JAG1: variants seen among roughly 807,000 people sequenced by gnomAD.
JAG1 encodes the protein protein jagged-1.
JAG1 carries 23 observed loss-of-function variants against 148.7 expected under a neutral mutation model. The observed-to-expected ratio is 0.15, with a 90% CI of 0.11 to 0.22. The LOEUF (loss-of-function observed/expected upper bound fraction) is 0.22, where lower values mean the gene tolerates loss of function less well. JAG1 is among the 10% of genes least tolerant of loss of function. JAG1 has a pLI of 1.00. For missense variants in JAG1, 1,054 were observed against 1,611.2 expected, an observed-to-expected ratio of 0.65 and a Z score of 5.92; for synonymous variants, 572 against 598.3, an observed-to-expected ratio of 0.96 and a Z score of 0.64.
At position 10,639,679 on chromosome 20, in the gene JAG1, T is replaced by A. The variant is rs367992928; in HGVS notation, c.3476A>T (p.Asp1159Val). 1.1e-5 allele frequency: 18 copies of A among 1,614,128 alleles called. No homozygotes were observed. The highest frequency in any genetic ancestry group is 1.5e-5 in the Non-Finnish European group (18 of 1,180,048). ...IRTHNSEVEE[D>V]DMDKHQQKAR... ...TTTCTGCTGGTGTTTGTCCATGTCG[T>A]CCTCTTCTACTTCAGAATTGTGTGT... Residue 1159 changes from aspartate (D) to valine (V), a missense_variant, in exon 26 of 26, where the codon GAC becomes GTC. Around this residue, in one of 6 missense-constraint regions of JAG1, gnomAD observed 177 missense variants for 177.3 expected, o/e 1.00. Transcript: ENST00000254958.
At position 10,645,747 on chromosome 20, in the gene JAG1, T is replaced by C; in HGVS notation, c.1999+224A>G. On this transcript the variant is annotated intron_variant, in intron 15 of 25. Transcript: ENST00000254958. This position sits in a 1 kb window ranked among gnomAD's most constrained non-coding sequence, Gnocchi z 6.1. ...TTTCCTTGCAAGCAGGAATATTTAT[T>C]ACACAGTCTAATTCTATAGGTCCTC... 2 of 618,618 alleles carry C rather than the reference T, an allele frequency of 3.2e-6. No homozygotes were observed. The highest frequency in any genetic ancestry group is 4.3e-4 in the Middle Eastern group (1 of 2,318). The allele number at this position is 618,618 out of a possible 1,614,324, so 38.3% of individuals were successfully genotyped here. A position where few individuals can be genotyped will look rare whatever the true frequency, so the allele number is the denominator to read the frequency against.
In JAG1 at chr20:10,644,850, G is replaced by A. The variant is rs763141857; in HGVS notation, c.2344+13C>T. ...GACAGCCCTGGGAGAGTTCAAGGGG[G>A]GAGGACACTCACTCTGAGCACAGAT... On this transcript the variant is annotated intron_variant, in intron 18 of 25. Coordinates refer to ENST00000254958, the MANE Select transcript of JAG1 (RefSeq NM_000214.3). 3.2e-6 allele frequency: 5 copies of A among 1,583,146 alleles called. No homozygotes were observed. Among genetic ancestry groups the A allele is most frequent in the South Asian group, 1.1e-5 (1 of 90,412 alleles).
At position 10,672,715 on chromosome 20, in the gene JAG1, T is replaced by C. The variant is rs1218843267; in HGVS notation, c.373A>G (p.Ser125Gly). 6.2e-7 allele frequency: 1 copy of C among 1,612,862 alleles called. No individual in the cohort carries two copies. The highest frequency in any genetic ancestry group is 1.7e-5 in the Admixed American group (1 of 60,026). ...TAGTCACTCACCGGCCAGGCGAAAC[T>C]GAAAGGCAGCACGATGCGGTTGCGG... ...NDRNRIVLPF[S>G]FAWPRSYTLL... is the part of the protein sequence containing the mutation. The change falls in exon 2 of 26, where the codon AGT becomes GGT. Residue 125 changes from serine to glycine, a missense_variant. This residue lies in a region of JAG1 where 151 missense variants were observed against 211.1 expected (regional missense o/e 0.72). Coordinates refer to ENST00000254958, the MANE Select transcript of JAG1 (RefSeq NM_000214.3).
At chr20:10,671,715 A>G (rs1337571237) in intron 2 of JAG1, among the ~76,000 whole-genome samples, 1 of 151,718 alleles carries the variant, frequency 6.6e-6, no homozygotes, top group Non-Finnish European at 1.5e-5. Context: ...CAGAGGGCAC[A>G]CCCCCAACAT....
intron 5 of JAG1, among the ~76,000 whole-genome samples, chr20:10,654,762 G>A (rs1203039391): frequency 6.6e-6 from 1 of 152,224 alleles, no homozygotes; most frequent in Admixed American, 6.5e-5. Context: ...TGTCTGGGCA[G>A]GGAGAGGGAG....
chr20:10,638,368 G>A lies in JAG1; in HGVS notation c.*1130C>T, dbSNP rs1466143181. The A allele has an allele frequency of 6.6e-6, 1 of 152,574 alleles. No individual in the cohort carries two copies. Among genetic ancestry groups the A allele is most frequent in the Non-Finnish European group, 1.5e-5 (1 of 68,026 alleles). 9.5% of individuals were successfully genotyped at this position (152,574 alleles called of 1,614,324 possible). A position where few individuals can be genotyped will look rare whatever the true frequency, so the allele number is the denominator to read the frequency against. On this transcript the variant is annotated 3_prime_UTR_variant, in exon 26 of 26. Transcript: ENST00000254958. ...AAAGAAATCAGAATTTACAAAGTAA[G>A]ATTGGTGTGCTTCCAAGTTCACACA...
intron 6 of JAG1, 27 bp from the exon 7 acceptor site, chr20:10,652,277 A>C: frequency 6.2e-7 from 1 of 1,613,596 alleles, no homozygotes; most frequent in Non-Finnish European, 8.5e-7. Flanking sequence ...GGAGTCACTA[A>C]GAGACGCCTG....
intron 5 of JAG1, among the ~76,000 whole-genome samples, chr20:10,655,827 T>A (rs528603515): frequency 2.6e-5 from 4 of 152,314 alleles, no homozygotes; most frequent in African/African-American, 9.6e-5. Flanking sequence ...TTCCGCATTG[T>A]TCCTGGACCA....
In JAG1 at chr20:10,644,397, G is replaced by GAC; in HGVS notation, c.2345-15_2345-14dup. On this transcript the variant is annotated splice_polypyrimidine_tract_variant and intron_variant, in intron 18 of 25. Coordinates refer to ENST00000254958, the MANE Select transcript of JAG1 (RefSeq NM_000214.3). Reference sequence around the variant, plus strand: ...CAGTCATTGGTATCTGCAAAGAAAAGACAACTTAATAGTGAGGACTTCAAC... The same window carrying GAC: ...CAGTCATTGGTATCTGCAAAGAAAAGACACAACTTAATAGTGAGGACTTCAAC... 6.2e-7 allele frequency: 1 copy of GAC among 1,611,746 alleles called. No homozygotes were observed.
intron 14 of JAG1, among the ~76,000 whole-genome samples, 192 bp downstream of exon 14, chr20:10,646,747 C>T (rs2067311649): frequency 6.6e-6 from 1 of 152,104 alleles, no homozygotes; most frequent in South Asian, 2.1e-4. Context: ...ATCGCTTGAA[C>T]CTGGGAGGCC....
intron 2 of JAG1, among the ~76,000 whole-genome samples, chr20:10,670,683 A>G (rs1013714071): frequency 1.3e-5 from 2 of 152,228 alleles, no homozygotes; most frequent in African/African-American, 4.8e-5. Flanking sequence ...CTGGGGCATC[A>G]GGGTGGAGAC....
At chr20:10,658,439 C>A (rs765803559) in intron 4 of JAG1, 29 bp downstream of exon 4, 14 of 1,612,192 alleles carry the variant, frequency 8.7e-6, no homozygotes, top group Non-Finnish European at 1.1e-5. Flanking sequence ...GCAACAGGCA[C>A]ACGTGCACAT....
intron 10 of JAG1, 73 bp from the exon 11 acceptor site, chr20:10,649,180 C>T: frequency 9.9e-7 from 1 of 1,010,270 alleles, no homozygotes; most frequent in Non-Finnish European, 1.6e-6. Flanking sequence ...AAAGCCTTCT[C>T]AGCTCAGGAT....
At chr20:10,648,946 T>C (rs2067327266) in intron 11 of JAG1, 115 bp downstream of exon 11, 1 of 1,010,436 alleles carries the variant, frequency 9.9e-7, no homozygotes, top group Admixed American at 1.9e-5. Flanking sequence ...TCCAAGAGAC[T>C]CTTTTTTCAC....
chr20:10,664,060 T>G, intron 2 of JAG1, 46 bp from the exon 3 acceptor site: 1 of 1,519,338 alleles, frequency 6.6e-7, no homozygotes, highest in Non-Finnish European at 9.1e-7. Flanking sequence ...CAGGGTCGAC[T>G]TTCCAAAATC....
At chr20:10,642,033 C>T (rs943827745) in intron 21 of JAG1, 141 bp from the exon 22 acceptor site, 2 of 723,018 alleles carry the variant, frequency 2.8e-6, no homozygotes, top group Non-Finnish European at 5.0e-6. Flanking sequence ...AGCATGTGTA[C>T]TTCCTGCCTT....
At chr20:10,644,511 C>G (rs934278219) in intron 18 of JAG1, 127 bp from the exon 19 acceptor site, 10 of 781,706 alleles carry the variant, frequency 1.3e-5, no homozygotes, top group Non-Finnish European at 2.2e-5. Flanking sequence ...AGCAAAATAC[C>G]TTTGCTAAAT....
chr20:10,667,171 C>T (rs2067459952), intron 2 of JAG1, among the ~76,000 whole-genome samples: 1 of 152,216 alleles, frequency 6.6e-6, no homozygotes, highest in Admixed American at 6.5e-5. Context: ...ACAAATAAAC[C>T]GCCATCCAAA....
intron 9 of JAG1, 119 bp downstream of exon 9, chr20:10,650,128 A>T: frequency 1.4e-6 from 1 of 720,488 alleles, no homozygotes; most frequent in Non-Finnish European, 2.5e-6. Flanking sequence ...ATAATAAATT[A>T]CTTCTTAGCA....
Sources: allele counts gnomAD v4.1 joint callset (sites outside exome capture counted in the v4.1 genomes callset), GRCh38; gene constraint gnomAD v4.1.1; regional missense constraint gnomAD v4.1.1; non-coding constraint Gnocchi (gnomAD v3.1); transcripts MANE v1.5; gene names NCBI Gene and HGNC (gene_info 2026-07-23, HGNC 2026-07-21).